GSTM3: variants seen among roughly 807,000 people sequenced by gnomAD.
GSTM3 encodes glutathione S-transferase mu 3, also known as GST class-mu 3.
GSTM3 carries 34 observed loss-of-function variants against 36.1 expected under a neutral mutation model. The ratio of observed to expected loss-of-function variants is 0.94; its 90% confidence interval spans 0.72 to 1.25. The LOEUF (loss-of-function observed/expected upper bound fraction) is 1.25, where lower values mean the gene tolerates loss of function less well. Ranked by LOEUF, GSTM3 falls within the 50% of genes most tolerant of loss-of-function variation. The pLI is 0.00. For missense variants in GSTM3, 266 were observed against 281.6 expected (o/e 0.94, Z 0.40); for synonymous variants, 102 against 99.5 (o/e 1.03, Z -0.15).
In GSTM3 at chr1:109,740,169, G is replaced by T. The variant is rs556815113; in HGVS notation, c.48+71C>A. ...TAGAGCTGCTCCTGCTGGAGATCGC[G>T]GACCCAGAGACCCGCCCTCTCCGCG... On this transcript the variant is annotated intron_variant, in intron 2 of 8. Coordinates refer to ENST00000361066, the MANE Select transcript of GSTM3 (RefSeq NM_000849.5). 150 of 1,381,880 alleles carry T rather than the reference G, an allele frequency of 1.1e-4. 1 individual carries two copies. In the East Asian group the frequency reaches 3.3e-3, roughly 30 times the overall value. 85.6% of individuals were successfully genotyped at this position (1,381,880 alleles called of 1,614,324 possible).
rs1649273584 is a variant in GSTM3, at chr1:109,738,432, AG to A, written c.190-67del. 6 of 1,024,538 alleles carry A rather than the reference AG, an allele frequency of 5.9e-6. No homozygotes were observed. The East Asian group carries it at 1.2e-4, about 20-fold the overall frequency. The allele number at this position is 1,024,538 out of a possible 1,614,324, so 63.5% of individuals were successfully genotyped here. On this transcript the variant is annotated intron_variant, in intron 4 of 8. Coordinates refer to ENST00000361066, the MANE Select transcript of GSTM3 (RefSeq NM_000849.5). ...CTCTTGATTCCCTACCTCTCTCTCC[AG>A]GGGAAAAGAACACTTGCAGGGCAGT...
intron 2 of GSTM3, 78 bp from the exon 3 acceptor site, chr1:109,739,986 G>A (rs1031482220): frequency 7.4e-6 from 9 of 1,210,816 alleles, no homozygotes; most frequent in Non-Finnish European, 1.1e-5. Context: ...CCCCGGCCCG[G>A]GGCTGCCGAG....
intron 8 of GSTM3, 32 bp from the exon 9 acceptor site, chr1:109,737,201 A>T: frequency 7.0e-7 from 1 of 1,425,022 alleles, no homozygotes; most frequent in Non-Finnish European, 9.9e-7. Context: ...TCTTATAACG[A>T]CCCCAACCCA....
chr1:109,738,558 G>A (rs184640844), intron 4 of GSTM3, among the ~76,000 whole-genome samples, 192 bp from the exon 5 acceptor site: 3 of 152,216 alleles, frequency 2.0e-5, no homozygotes, highest in Non-Finnish European at 4.4e-5. Context: ...TTAAATTGGT[G>A]TGTGTATGTG....
chr1:109,739,767 G>A, intron 3 of GSTM3, 66 bp downstream of exon 3: 1 of 1,250,680 alleles, frequency 8.0e-7, no homozygotes, highest in Non-Finnish European at 1.1e-6. Flanking sequence ...ACCACCCTCT[G>A]GGCGTAAGAA....
At chr1:109,737,956 G>A (rs564247067) in intron 6 of GSTM3, 135 bp downstream of exon 6, 1 of 700,092 alleles carries the variant, frequency 1.4e-6, no homozygotes, top group African/African-American at 1.8e-5. Context: ...AAAAATATAA[G>A]TTCTGTTTCT....
At chr1:109,738,875 C>G (rs577897127) in intron 4 of GSTM3, among the ~76,000 whole-genome samples, 1 of 152,206 alleles carries the variant, frequency 6.6e-6, no homozygotes, top group Non-Finnish European at 1.5e-5. Context: ...AATCCCAACA[C>G]TTTGGAAGGC....
chr1:109,739,912 G>A lies in GSTM3; in HGVS notation c.49-4C>T, dbSNP rs189716068. ...GCAGGCGGATGGCGTGCGCCAGCTG[G>A]GGAAGACAGCGGTTCAGCGACTGCG... On this transcript the variant is annotated splice_polypyrimidine_tract_variant and splice_region_variant and intron_variant, in intron 2 of 8. Transcript: ENST00000361066. The A allele has an allele frequency of 1.1e-5, 17 of 1,551,828 alleles. No homozygotes were observed. Among genetic ancestry groups the A allele is most frequent in the Admixed American group, 1.9e-5 (1 of 51,650 alleles).
rs1479731381 is a variant in GSTM3, at chr1:109,735,278, T to C, written c.*1793A>G. On this transcript the variant is annotated 3_prime_UTR_variant, in exon 9 of 9. Transcript: ENST00000361066. ...GCAGCTTCAAATTCCTGGGCTCAAG[T>C]GATCCTCCCACCTCAGCCTCCTGGG... 4 of 152,168 alleles carry C rather than the reference T, an allele frequency of 2.6e-5. No individual in the cohort carries two copies. The allele number at this position is 152,168 out of a possible 1,614,324, so 9.4% of individuals were successfully genotyped here. A position where few individuals can be genotyped will look rare whatever the true frequency, so the allele number is the denominator to read the frequency against.
chr1:109,738,775 G>A (rs986921491), intron 4 of GSTM3, among the ~76,000 whole-genome samples: 1 of 152,126 alleles, frequency 6.6e-6, no homozygotes, highest in African/African-American at 2.4e-5. Context: ...TTACTTACAT[G>A]TATATAAATA....
rs941963292 is a variant in GSTM3 at position 109,735,376 on chromosome 1, T to C, written c.*1695A>G. ...TTTTTGGGAGACAGGGGTCTCACTA[T>C]GTTGCCCAGGCTGGTCTTAAACTCC... is the stretch of plus-strand genomic sequence containing the variant. On this transcript the variant is annotated 3_prime_UTR_variant, in exon 9 of 9. Coordinates refer to ENST00000361066, the MANE Select transcript of GSTM3 (RefSeq NM_000849.5). 2 of 152,176 alleles carry C rather than the reference T, an allele frequency of 1.3e-5. No homozygotes were observed. The highest frequency in any genetic ancestry group is 1.5e-5 in the Non-Finnish European group (1 of 68,084). The allele number at this position is 152,176 out of a possible 1,614,324, so 9.4% of individuals were successfully genotyped here. A position where few individuals can be genotyped will look rare whatever the true frequency, so the allele number is the denominator to read the frequency against.
At chr1:109,738,604 AT>A (rs1432210672) in intron 4 of GSTM3, among the ~76,000 whole-genome samples, 3 of 152,234 alleles carry the variant, frequency 2.0e-5, no homozygotes, top group African/African-American at 7.2e-5. Flanking sequence ...TTTTCTCAGA[AT>A]AAAGTTGTTA....
rs148199564 is a variant in GSTM3 at position 109,736,187 on chromosome 1, T to C, written c.*884A>G. On this transcript the variant is annotated 3_prime_UTR_variant, in exon 9 of 9. Coordinates refer to ENST00000361066, the MANE Select transcript of GSTM3 (RefSeq NM_000849.5). ...TTTTAGACATTTTTGGCTATATTTC[T>C]ATTTTATAAATTGTTCATGGATTTT... The C allele has an allele frequency of 6.6e-6, 1 of 152,376 alleles. No individual in the cohort carries two copies. Among genetic ancestry groups the C allele is most frequent in the East Asian group, 1.9e-4 (1 of 5,186 alleles). 9.4% of individuals were successfully genotyped at this position (152,376 alleles called of 1,614,324 possible). A position where few individuals can be genotyped will look rare whatever the true frequency, so the allele number is the denominator to read the frequency against.
chr1:109,738,753 A>G (rs990289776), intron 4 of GSTM3, among the ~76,000 whole-genome samples: 2 of 152,252 alleles, frequency 1.3e-5, no homozygotes, highest in Non-Finnish European at 2.9e-5. Context: ...AAATAACATT[A>G]TATGTATATA....
At position 109,740,510 on chromosome 1, in the gene GSTM3, T is replaced by C. The variant is rs992389548; in HGVS notation, c.-223A>G. 6.0e-5 allele frequency: 35 copies of C among 582,956 alleles called. No homozygotes were observed. Among genetic ancestry groups the C allele is most frequent in the Non-Finnish European group, 7.3e-5 (24 of 330,178 alleles). 36.1% of individuals were successfully genotyped at this position (582,956 alleles called of 1,614,324 possible). ...CCCCGAGGCGGGACCCGGGCAGGAG[T>C]GCTGCAGGAGAGCAAAGGACCCGAG... On this transcript the variant is annotated splice_region_variant and 5_prime_UTR_variant, in exon 2 of 9. Coordinates refer to ENST00000361066, the MANE Select transcript of GSTM3 (RefSeq NM_000849.5).
In GSTM3 at chr1:109,739,465, C is replaced by T. The variant is rs2101352819; in HGVS notation, c.153G>A (p.Leu51=). 2 of 1,612,594 alleles carry T rather than the reference C, an allele frequency of 1.2e-6. No homozygotes were observed. Among genetic ancestry groups the T allele is most frequent in the South Asian group, 1.1e-5 (1 of 90,946 alleles). ...CCAGGTCTAGCTTGAATTTCACATC[C>T]AGCCATTGGCTTCGATCATAGTCAG... The part of the protein sequence containing the change: ...EAPDYDRSQW[L]DVKFKLDLDF... The change falls in exon 4 of 9, where the codon CTG becomes CTA. Residue 51 remains leucine, a synonymous_variant. Coordinates refer to ENST00000361066, the MANE Select transcript of GSTM3 (RefSeq NM_000849.5).
rs1186862427 is a variant in GSTM3 at position 109,739,911 on chromosome 1, GGGGAAGACAGC to G, written c.49-14_49-4del. ...AGCAGGCGGATGGCGTGCGCCAGCT[GGGGAAGACAGC>G]GGTTCAGCGACTGCGCAGCTCCCAC... On this transcript the variant is annotated splice_region_variant and splice_polypyrimidine_tract_variant and intron_variant, in intron 2 of 8. Coordinates refer to ENST00000361066, the MANE Select transcript of GSTM3 (RefSeq NM_000849.5). The G allele has an allele frequency of 1.3e-6, 2 of 1,551,596 alleles. No individual in the cohort carries two copies. Among genetic ancestry groups the G allele is most frequent in the Non-Finnish European group, 1.7e-6 (2 of 1,145,870 alleles).
Position 109,735,633 on chromosome 1 carries a change from G to GAGTTTTTTTTTTTTTTTTTTTTTT in GSTM3, c.*1437_*1438insAAAAAAAAAAAAAAAAAAAAAACT, listed in dbSNP as rs747271780. On this transcript the variant is annotated 3_prime_UTR_variant, in exon 9 of 9. Coordinates refer to ENST00000361066, the MANE Select transcript of GSTM3 (RefSeq NM_000849.5). ...CATCTTAGTATATGTCTCTTTGAAT[G>GAGTTTTTTTTTTTTTTTTTTTTTT]TTTTTTTTTTTTTTTTTTTTTTTTT... 8.2e-5 allele frequency: 5 copies of GAGTTTTTTTTTTTTTTTTTTTTTT among 60,720 alleles called. 2 individuals carry two copies. The highest frequency in any genetic ancestry group is 8.1e-4 in the South Asian group (1 of 1,230). The allele number at this position is 60,720 out of a possible 1,614,324, so 3.8% of individuals were successfully genotyped here.
chr1:109,737,018 GA>G lies in GSTM3; in HGVS notation c.*52del. The G allele has an allele frequency of 9.3e-7, 1 of 1,076,040 alleles. No individual in the cohort carries two copies. Among genetic ancestry groups the G allele is most frequent in the Non-Finnish European group, 1.4e-6 (1 of 692,904 alleles). The allele number at this position is 1,076,040 out of a possible 1,614,324, so 66.7% of individuals were successfully genotyped here. On this transcript the variant is annotated 3_prime_UTR_variant, in exon 9 of 9. Transcript: ENST00000361066. ...TTGAAAAGAGCAAAGCAAGAGCGCT[GA>G]CCCCTTACGGACAGGATGAAACAAA...
Sources: gnomAD v4.1 joint callset for allele counts (sites outside exome capture counted in the v4.1 genomes callset) on GRCh38, gnomAD v4.1.1 for gene constraint, MANE v1.5 for transcripts, NCBI Gene and HGNC (gene_info 2026-07-23, HGNC 2026-07-21) for gene names.